The following RNF145 variants were observed in gnomAD, a reference collection of about 807,000 sequenced individuals.
RNF145 encodes the protein ring finger protein 145.
Under a neutral mutation model 57.3 loss-of-function variants are expected in RNF145, and 12 were observed. The ratio of observed to expected loss-of-function variants is 0.21; its 90% CI spans 0.13 to 0.34. The LOEUF is 0.34. Ranked by LOEUF, RNF145 falls within the 10% of genes least tolerant of loss-of-function variation. The probability of loss-of-function intolerance (pLI) is 1.00; values close to 1 mark genes in which losing one functional copy is unlikely to be tolerated. For synonymous variants in RNF145, 262 were observed against 288.3 expected (o/e 0.91, Z 0.92); for missense variants, 429 against 799.0 (o/e 0.54, Z 5.58).
chr5:159,169,223 AAT>A (rs1289800915), intron 7 of RNF145, among the ~76,000 whole-genome samples, 168 bp from the exon 8 acceptor site: 12 of 152,234 alleles, frequency 7.9e-5, no homozygotes. Flanking sequence ...ACATTAATGA[AAT>A]AGTCATATAT....
intron 4 of RNF145, among the ~76,000 whole-genome samples, chr5:159,180,407 C>T (rs1784852328): frequency 6.6e-6 from 1 of 151,948 alleles, no homozygotes. Flanking sequence ...GAACAGGACC[C>T]AAGAAAATCC....
upstream of RNF145, chr5:159,209,846 C>T: frequency 6.5e-7 from 1 of 1,536,016 alleles, no homozygotes; most frequent in East Asian, 2.4e-5. Flanking sequence ...CTCACACCCA[C>T]ACTCACCTGC....
chr5:159,170,654 G>A (rs938645187), intron 6 of RNF145, among the ~76,000 whole-genome samples: 4 of 152,128 alleles, frequency 2.6e-5, no homozygotes, highest in Non-Finnish European at 5.9e-5. Context: ...AAGAGCACTG[G>A]TACAATCATA....
At chr5:159,182,693 T>C (rs895625222) in intron 3 of RNF145, among the ~76,000 whole-genome samples, 2 of 152,104 alleles carry the variant, frequency 1.3e-5, no homozygotes, top group African/African-American at 2.4e-5. Flanking sequence ...TACTGAGAAA[T>C]AGTAAGCTTT....
intron 2 of RNF145, among the ~76,000 whole-genome samples, chr5:159,202,875 T>C (rs554137766): frequency 1.3e-4 from 20 of 150,824 alleles, no homozygotes; most frequent in Admixed American, 2.0e-4. Context: ...ACTAACCCCA[T>C]AGCATATCAA....
intron 1 of RNF145, 122 bp downstream of exon 1, chr5:159,209,104 TAAAAG>T (rs979646883): frequency 5.3e-6 from 1 of 188,026 alleles, no homozygotes; most frequent in African/African-American, 2.8e-5. Flanking sequence ...TGAAGCGAGA[TAAAAG>T]GAAAGGGGCG....
intron 4 of RNF145, 44 bp from the exon 5 acceptor site, chr5:159,176,911 T>C: frequency 8.3e-7 from 1 of 1,204,796 alleles, no homozygotes; most frequent in Non-Finnish European, 1.2e-6. Flanking sequence ...GTATTTGGCA[T>C]CCACAAAATA....
intron 1 of RNF145, among the ~76,000 whole-genome samples, chr5:159,203,878 T>C (rs534747081): frequency 2.0e-5 from 3 of 152,304 alleles, no homozygotes; most frequent in Non-Finnish European, 4.4e-5. Flanking sequence ...ATAATTCTGA[T>C]TAAATGTTCT....
intron 9 of RNF145, among the ~76,000 whole-genome samples, chr5:159,161,956 C>T (rs1041367964): frequency 1.1e-3 from 174 of 152,310 alleles, no homozygotes; most frequent in African/African-American, 3.9e-3. Context: ...ACCTCATCAA[C>T]TCCATCTTAA....
At position 159,162,286 on chromosome 5, in the gene RNF145, A is replaced by T. The variant is rs570682476; in HGVS notation, c.1269+646T>A. Among the ~76,000 whole-genome samples, 6 of 152,300 alleles carry T rather than the reference A, an allele frequency of 3.9e-5. No homozygotes were observed. In the East Asian group the frequency reaches 1.2e-3, roughly 29 times the overall value. ...ATAAGCTCTAACACAAGCTCTAAAA[A>T]CTTTTAATATTTTAGTTACTTGTCA... On this transcript the variant is annotated intron_variant, in intron 9 of 10. Coordinates refer to ENST00000424310, the MANE Select transcript of RNF145 (RefSeq NM_001199383.2).
At chr5:159,198,841 A>G (rs939739512) in intron 2 of RNF145, among the ~76,000 whole-genome samples, 1 of 151,996 alleles carries the variant, frequency 6.6e-6, no homozygotes, top group Non-Finnish European at 1.5e-5. Flanking sequence ...GGGTAACAAA[A>G]CAAGACCTTG....
intron 5 of RNF145, among the ~76,000 whole-genome samples, chr5:159,175,964 G>A (rs1002940808): frequency 6.6e-6 from 1 of 152,172 alleles, no homozygotes; most frequent in Non-Finnish European, 1.5e-5. Context: ...TTTCCCAAAT[G>A]TGTATTGTTT....
At chr5:159,191,965 T>C (rs1427155331) in intron 3 of RNF145, among the ~76,000 whole-genome samples, 1 of 151,828 alleles carries the variant, frequency 6.6e-6, no homozygotes, top group Non-Finnish European at 1.5e-5. Flanking sequence ...TCTCTAGAAA[T>C]GCCTGGATTG....
chr5:159,172,608 T>C (rs1389784405), intron 6 of RNF145, among the ~76,000 whole-genome samples: 1 of 152,254 alleles, frequency 6.6e-6, no homozygotes, highest in Non-Finnish European at 1.5e-5. Context: ...TGCATGTTTA[T>C]AGAAGCTACT....
At chr5:159,178,609 A>C (rs1019615097) in intron 4 of RNF145, among the ~76,000 whole-genome samples, 1 of 152,068 alleles carries the variant, frequency 6.6e-6, no homozygotes, top group African/African-American at 2.4e-5. Context: ...ATCCATATAC[A>C]TGTTGAATAT....
At chr5:159,204,036 AT>A (rs1002851969) in intron 1 of RNF145, among the ~76,000 whole-genome samples, 1 of 152,214 alleles carries the variant, frequency 6.6e-6, no homozygotes, top group African/African-American at 2.4e-5. Context: ...AAGAGGGTGA[AT>A]TTTGAATATT....
In RNF145 at chr5:159,209,504, T is replaced by TCGGCGGCGGCGGCAG. The variant is rs757214239; in HGVS notation, c.-314_-313insCTGCCGCCGCCGCCG. On this transcript the variant is annotated 5_prime_UTR_variant, in exon 1 of 11. Transcript: ENST00000424310. ...AGCCCCTTAGCAGCCGGCGCCGGCG[T>TCGGCGGCGGCGGCAG]CGGCGGCCATGGCCTCCTGCGTTTG... The TCGGCGGCGGCGGCAG allele has an allele frequency of 1.1e-6, 1 of 944,594 alleles. No individual in the cohort carries two copies. Among genetic ancestry groups the TCGGCGGCGGCGGCAG allele is most frequent in the Admixed American group, 6.3e-5 (1 of 15,904 alleles). 58.5% of individuals were successfully genotyped at this position (944,594 alleles called of 1,614,324 possible).
rs1054272205 is a variant in RNF145 at position 159,176,653 on chromosome 5, A to C, written c.600T>G (p.Ser200=). 30 of 1,608,966 alleles carry C rather than the reference A, an allele frequency of 1.9e-5. No homozygotes were observed. In the Admixed American group the frequency reaches 5.0e-4, roughly 27 times the overall value. The change falls in exon 5 of 11, where the codon TCT becomes TCG. Residue 200 remains serine (S), a synonymous_variant. Transcript: ENST00000424310. ...NLLVPYNLAK[S]AYRELVQVVE... ...TTACCTGAACCAATTCTCTGTATGC[A>C]GATTTAGCAAGGTTATAAGGTACCA...
At chr5:159,164,514 G>A (rs1349712517) in intron 8 of RNF145, among the ~76,000 whole-genome samples, 3 of 152,080 alleles carry the variant, frequency 2.0e-5, no homozygotes, top group Admixed American at 1.3e-4. Flanking sequence ...ACAATGTTAT[G>A]TCAAGAGTTT....
Sources: allele counts gnomAD v4.1 joint callset (sites outside exome capture counted in the v4.1 genomes callset), GRCh38; gene constraint gnomAD v4.1.1; transcripts MANE v1.5; gene names NCBI Gene and HGNC (gene_info 2026-07-23, HGNC 2026-07-21).